KYNU: variants seen among roughly 807,000 people sequenced by gnomAD.
KYNU encodes the protein L-kynurenine hydrolase.
In KYNU, 54 loss-of-function variants were observed where a neutral mutation model predicts 59.2. The observed-to-expected ratio is 0.91, with a 90% CI of 0.73 to 1.14. The LOEUF (loss-of-function observed/expected upper bound fraction) is 1.14, where lower values mean the gene tolerates loss of function less well. Among genes scored for constraint, KYNU ranks in the 50% most tolerant of loss-of-function variants. The pLI is 0.00. For synonymous variants in KYNU, 177 were observed against 192.0 expected, an observed-to-expected ratio of 0.92 and a Z score of 0.65; for missense variants, 567 against 554.4, an observed-to-expected ratio of 1.02 and a Z score of -0.23.
At chr2:142,960,004 C>G (rs143179311) in intron 7 of KYNU, among the ~76,000 whole-genome samples, 1 of 151,884 alleles carries the variant, frequency 6.6e-6, no homozygotes, top group Non-Finnish European at 1.5e-5. Flanking sequence ...CTCGTGCTTC[C>G]GCCACCCAAG....
intron 10 of KYNU, among the ~76,000 whole-genome samples, chr2:143,024,265 T>A (rs1686490992): frequency 6.6e-6 from 1 of 151,996 alleles, no homozygotes; most frequent in African/African-American, 2.4e-5. Context: ...TGTTTAGTTG[T>A]TTATTTTTAC....
chr2:142,956,361 A>G (rs2105088104), intron 6 of KYNU, 87 bp downstream of exon 6: 1 of 798,564 alleles, frequency 1.3e-6, no homozygotes, highest in Non-Finnish European at 2.1e-6. Context: ...TTTACTCACT[A>G]GGCTTTTCCA....
At chr2:142,930,434 C>A (rs1683172475) in intron 4 of KYNU, among the ~76,000 whole-genome samples, 1 of 152,178 alleles carries the variant, frequency 6.6e-6, no homozygotes, top group Non-Finnish European at 1.5e-5. Context: ...GGTCTCCAGA[C>A]TGCCATGACA....
chr2:142,891,409 A>G (rs898012570), intron 2 of KYNU, among the ~76,000 whole-genome samples: 1 of 152,164 alleles, frequency 6.6e-6, no homozygotes, highest in African/African-American at 2.4e-5. Context: ...TGCTGCTTTC[A>G]ATATTCTTTT....
intron 2 of KYNU, among the ~76,000 whole-genome samples, chr2:142,885,971 A>G (rs6752886): frequency 0.97 from 147,439 of 152,156 alleles, 71,486 homozygotes; most frequent in East Asian, 1. Flanking sequence ...ATATTAGAAG[A>G]GATGTTATAT....
chr2:142,948,653 C>G (rs1683880327), intron 4 of KYNU, among the ~76,000 whole-genome samples: 1 of 152,182 alleles, frequency 6.6e-6, no homozygotes, highest in Non-Finnish European at 1.5e-5. Flanking sequence ...GAGGACAGCA[C>G]AGGAAAGACC....
chr2:142,894,722 AT>A lies in KYNU; in HGVS notation c.169+9187del, dbSNP rs1418498913. ...AAATAGGTTTAAAATGAAAATATGT[AT>A]GTTTCCATATATAGAGAGAGATGGA... is the stretch of plus-strand genomic sequence containing the variant. On this transcript the variant is annotated intron_variant, in intron 2 of 13. Transcript: ENST00000264170. Among the ~76,000 whole-genome samples the A allele has an allele frequency of 2.0e-5, 3 of 152,200 alleles. No homozygotes were observed. In the East Asian group the frequency reaches 5.8e-4, roughly 29 times the overall value.
At chr2:142,993,381 C>T (rs1685456518) in intron 10 of KYNU, among the ~76,000 whole-genome samples, 1 of 151,850 alleles carries the variant, frequency 6.6e-6, no homozygotes, top group Non-Finnish European at 1.5e-5. Context: ...CCATTATAAA[C>T]AGTGGTAAAA....
chr2:142,895,876 G>A (rs538852768), intron 2 of KYNU, among the ~76,000 whole-genome samples: 27 of 152,152 alleles, frequency 1.8e-4, no homozygotes, highest in Admixed American at 9.8e-4. Flanking sequence ...GTAGAGATGA[G>A]GTTTCACTGT....
intron 2 of KYNU, among the ~76,000 whole-genome samples, chr2:142,905,026 A>C (rs1198911597): frequency 6.6e-6 from 1 of 152,146 alleles, no homozygotes; most frequent in Non-Finnish European, 1.5e-5. Context: ...CATTCCCATA[A>C]ACAACAGTTC....
intron 10 of KYNU, chr2:142,989,297 T>A: frequency 1.2e-6 from 1 of 809,608 alleles, no homozygotes; most frequent in Non-Finnish European, 1.5e-6. Flanking sequence ...CTGGTTTAAC[T>A]ATGTTTAATA....
chr2:143,013,146 C>A (rs919387226), intron 10 of KYNU, among the ~76,000 whole-genome samples: 3 of 152,158 alleles, frequency 2.0e-5, no homozygotes, highest in African/African-American at 7.2e-5. Context: ...CAAGTGTGTA[C>A]CACCACACCT....
At chr2:142,884,159 A>C (rs1279225830) in intron 1 of KYNU, among the ~76,000 whole-genome samples, 1 of 152,256 alleles carries the variant, frequency 6.6e-6, no homozygotes, top group East Asian at 1.9e-4. Context: ...ACAGAATACA[A>C]TGTGGTTTCA....
chr2:142,922,622 A>G (rs1352048209), intron 3 of KYNU, among the ~76,000 whole-genome samples: 1 of 152,210 alleles, frequency 6.6e-6, no homozygotes, highest in African/African-American at 2.4e-5. Flanking sequence ...AAAGTAGGAA[A>G]TGCCATTTGG....
intron 10 of KYNU, among the ~76,000 whole-genome samples, chr2:143,005,918 T>C (rs1685866831): frequency 2.0e-5 from 3 of 152,150 alleles, no homozygotes; most frequent in Admixed American, 2.0e-4. Flanking sequence ...TCATGCTGTG[T>C]TCCAACAATC....
At chr2:143,004,614 T>C (rs1453339568) in intron 10 of KYNU, among the ~76,000 whole-genome samples, 1 of 152,004 alleles carries the variant, frequency 6.6e-6, no homozygotes, top group Non-Finnish European at 1.5e-5. Flanking sequence ...GGCAGGAGAA[T>C]CACTTTAACC....
chr2:142,998,478 T>C (rs1685609964), intron 10 of KYNU, among the ~76,000 whole-genome samples: 1 of 152,178 alleles, frequency 6.6e-6, no homozygotes, highest in African/African-American at 2.4e-5. Flanking sequence ...TGTTTAAATG[T>C]TGTTTTGAAA....
intron 4 of KYNU, among the ~76,000 whole-genome samples, chr2:142,936,546 A>T (rs1195572906): frequency 6.6e-6 from 1 of 152,170 alleles, no homozygotes; most frequent in Non-Finnish European, 1.5e-5. Context: ...AAAAGGAGTG[A>T]TCGTCACTGC....
chr2:143,034,471 C>A (rs1686837547), intron 12 of KYNU, among the ~76,000 whole-genome samples: 1 of 152,200 alleles, frequency 6.6e-6, no homozygotes, highest in African/African-American at 2.4e-5. Context: ...ATGGCAGCAT[C>A]AAGTTCCTCT....
Sources: gnomAD v4.1 joint callset for allele counts (sites outside exome capture counted in the v4.1 genomes callset) on GRCh38, gnomAD v4.1.1 for gene constraint, MANE v1.5 for transcripts, NCBI Gene and HGNC (gene_info 2026-07-23, HGNC 2026-07-21) for gene names.